Variants in AKIRIN1 observed in about 807,000 individuals in gnomAD.
AKIRIN1 encodes akirin-1.
Under a neutral mutation model 25.9 loss-of-function variants are expected in AKIRIN1, and 4 were observed. That is an observed-to-expected ratio of 0.15 (90% CI 0.08 to 0.35). The LOEUF (loss-of-function observed/expected upper bound fraction) is 0.35, where lower values mean the gene tolerates loss of function less well. Among genes scored for constraint, AKIRIN1 ranks in the 10% least tolerant of loss-of-function variants. The probability of loss-of-function intolerance (pLI) is 1.00; values close to 1 mark genes in which losing one functional copy is unlikely to be tolerated. For synonymous variants in AKIRIN1, 125 were observed against 105.1 expected (o/e 1.19, Z -1.16); for missense variants, 243 against 266.1 (o/e 0.91, Z 0.61).
intron 1 of AKIRIN1, among the ~76,000 whole-genome samples, chr1:38,994,037 T>G (rs1643928630): frequency 6.7e-6 from 1 of 149,400 alleles, no homozygotes; most frequent in South Asian, 2.1e-4. Flanking sequence ...GCCATTGCAC[T>G]CCATCCTGGG....
intron 1 of AKIRIN1, among the ~76,000 whole-genome samples, chr1:38,992,874 A>G (rs899090467): frequency 3.3e-5 from 5 of 152,122 alleles, no homozygotes; most frequent in African/African-American, 1.2e-4. Context: ...TAGCTGACTA[A>G]CCTGCCCATA....
intron 2 of AKIRIN1, among the ~76,000 whole-genome samples, chr1:39,000,236 G>T (rs1643979126): frequency 6.6e-6 from 1 of 151,908 alleles, no homozygotes; most frequent in Non-Finnish European, 1.5e-5. Context: ...TTGTTCACTT[G>T]CCAGCTCCAG....
At chr1:38,993,269 C>T (rs114315391) in intron 1 of AKIRIN1, among the ~76,000 whole-genome samples, 1,796 of 152,204 alleles carry the variant, frequency 0.012, 29 homozygotes, top group African/African-American at 0.041. Context: ...GATTTTTGGG[C>T]TGGGCGAGGT....
chr1:38,994,353 A>C (rs1643931086), intron 1 of AKIRIN1, among the ~76,000 whole-genome samples: 1 of 152,182 alleles, frequency 6.6e-6, no homozygotes, highest in African/African-American at 2.4e-5. Context: ...TTTATTGCTT[A>C]AATCTTTATT....
intron 2 of AKIRIN1, among the ~76,000 whole-genome samples, chr1:39,000,387 C>T (rs1216765917): frequency 2.1e-5 from 3 of 146,082 alleles, no homozygotes; most frequent in African/African-American, 5.0e-5. Context: ...CTTGTTGCCC[C>T]GTTTGGAGTG....
chr1:39,003,126 A>G (rs1644007182), intron 3 of AKIRIN1, among the ~76,000 whole-genome samples: 1 of 152,212 alleles, frequency 6.6e-6, no homozygotes, highest in African/African-American at 2.4e-5. Context: ...ATATACCATC[A>G]GTGACCCATT....
chr1:38,996,654 T>C (rs1257385541), intron 1 of AKIRIN1, among the ~76,000 whole-genome samples: 1 of 152,110 alleles, frequency 6.6e-6, no homozygotes, highest in Non-Finnish European at 1.5e-5. Flanking sequence ...CTCAGCTTCC[T>C]GAGTAGCTGG....
intron 2 of AKIRIN1, among the ~76,000 whole-genome samples, chr1:38,998,657 A>G (rs909083661): frequency 1.3e-5 from 2 of 152,108 alleles, no homozygotes; most frequent in Non-Finnish European, 2.9e-5. Context: ...TAATCCTAGC[A>G]CTTTGGGAGG....
In AKIRIN1 at chr1:39,001,213, A is replaced by G. The variant is rs559817938; in HGVS notation, c.496+107A>G. On this transcript the variant is annotated intron_variant, in intron 3 of 4. Coordinates refer to ENST00000432648, the MANE Select transcript of AKIRIN1 (RefSeq NM_024595.3). ...AGTAGGACCTCATGCAAGGGAGTTT[A>G]TTGAGTTGCGGGTATGGAAGTTACT... 9.2e-6 allele frequency: 12 copies of G among 1,298,616 alleles called. No individual in the cohort carries two copies. The East Asian group carries it at 3.1e-4, about 33-fold the overall frequency. The allele number at this position is 1,298,616 out of a possible 1,614,324, so 80.4% of individuals were successfully genotyped here.
At chr1:39,003,139 A>G (rs1644007328) in intron 3 of AKIRIN1, among the ~76,000 whole-genome samples, 1 of 152,180 alleles carries the variant, frequency 6.6e-6, no homozygotes, top group Non-Finnish European at 1.5e-5. Flanking sequence ...GACCCATTCT[A>G]GAAGCCAAGG....
intron 2 of AKIRIN1, among the ~76,000 whole-genome samples, 180 bp from the exon 3 acceptor site, chr1:39,000,792 G>A (rs1274889956): frequency 6.6e-6 from 1 of 151,920 alleles, no homozygotes; most frequent in Non-Finnish European, 1.5e-5. Context: ...GAGTAGCTGG[G>A]ATAATGGGCA....
Position 38,991,347 on chromosome 1 carries a change from C to G in AKIRIN1, c.-34C>G, listed in dbSNP as rs1487659050. 1.3e-5 allele frequency: 18 copies of G among 1,333,614 alleles called. No homozygotes were observed. Among genetic ancestry groups the G allele is most frequent in the East Asian group, 9.4e-5 (3 of 32,050 alleles). 82.6% of individuals were successfully genotyped at this position (1,333,614 alleles called of 1,614,324 possible). ...GAGCCTCTTGGGCCGCACTTACCGC[C>G]GCGTCCGCTCCCGGTCCCTGGCCCC... is the stretch of plus-strand genomic sequence containing the variant. On this transcript the variant is annotated 5_prime_UTR_variant, in exon 1 of 5. Coordinates refer to ENST00000432648, the MANE Select transcript of AKIRIN1 (RefSeq NM_024595.3).
chr1:38,994,765 C>T lies in AKIRIN1; in HGVS notation c.220+3165C>T, dbSNP rs182279332. ...AGTGCAGTAGCATGATCTCGGCTCA[C>T]TGCAACTTCCACCTCCCAGACTCAA... On this transcript the variant is annotated intron_variant, in intron 1 of 4. Transcript: ENST00000432648. Among the ~76,000 whole-genome samples the T allele has an allele frequency of 7.8e-3, 1,097 of 141,146 alleles. 11 individuals are homozygous for T. Among genetic ancestry groups the T allele is most frequent in the Middle Eastern group, 0.053 (13 of 244 alleles). The allele number at this position is 141,146 out of a possible 152,430, so 92.6% of individuals were successfully genotyped here.
chr1:39,002,907 G>A (rs927265467), intron 3 of AKIRIN1, among the ~76,000 whole-genome samples: 1 of 152,094 alleles, frequency 6.6e-6, no homozygotes, highest in Non-Finnish European at 1.5e-5. Flanking sequence ...GCAGTTAGAT[G>A]GTATAGATTT....
rs564050687 is a variant in AKIRIN1, at chr1:39,004,385, G to A, written c.*330G>A. On this transcript the variant is annotated 3_prime_UTR_variant, in exon 5 of 5. Coordinates refer to ENST00000432648, the MANE Select transcript of AKIRIN1 (RefSeq NM_024595.3). Reference sequence around the variant, plus strand: ...CCCCAAGCACAGTTCTGTAAGAAGTGCGTGTGAGAGTGTGTGTATATGTGT... The same window carrying A: ...CCCCAAGCACAGTTCTGTAAGAAGTACGTGTGAGAGTGTGTGTATATGTGT... 49 of 491,684 alleles carry A rather than the reference G, an allele frequency of 1.0e-4. No individual in the cohort carries two copies. Among genetic ancestry groups the A allele is most frequent in the African/African-American group, 7.8e-4 (40 of 51,412 alleles). 30.5% of individuals were successfully genotyped at this position (491,684 alleles called of 1,614,324 possible).
chr1:39,003,674 T>A (rs1236082612), intron 4 of AKIRIN1, among the ~76,000 whole-genome samples: 1 of 152,224 alleles, frequency 6.6e-6, no homozygotes, highest in Non-Finnish European at 1.5e-5. Flanking sequence ...ATACAGCTAG[T>A]GGTTCAGCTA....
At position 38,994,844 on chromosome 1, in the gene AKIRIN1, C is replaced by T. The variant is rs146237515; in HGVS notation, c.220+3244C>T. 2.5e-3 allele frequency among the ~76,000 whole-genome samples: 378 copies of T among 152,120 alleles called. 3 individuals carry two copies. Among genetic ancestry groups the T allele is most frequent in the African/African-American group, 8.7e-3 (363 of 41,512 alleles). ...CGCTGGGATTACAGGCGCATGCCAC[C>T]ATTCTCAGCTAATTTTTGTATTTTT... On this transcript the variant is annotated intron_variant, in intron 1 of 4. Coordinates refer to ENST00000432648, the MANE Select transcript of AKIRIN1 (RefSeq NM_024595.3).
chr1:39,004,262 A>G lies in AKIRIN1; in HGVS notation c.*207A>G, dbSNP rs1644016527. 1 of 704,334 alleles carries G rather than the reference A, an allele frequency of 1.4e-6. No homozygotes were observed. The highest frequency in any genetic ancestry group is 2.0e-5 in the Admixed American group (1 of 49,628). The allele number at this position is 704,334 out of a possible 1,614,324, so 43.6% of individuals were successfully genotyped here. A position where few individuals can be genotyped will look rare whatever the true frequency, so the allele number is the denominator to read the frequency against. ...ATCTTTCTTTTCTGCTCATCCAATA[A>G]ACAGCTGTGCCCTACTGTGATAGAT... On this transcript the variant is annotated 3_prime_UTR_variant, in exon 5 of 5. Transcript: ENST00000432648.
chr1:38,992,545 A>G (rs1643914376), intron 1 of AKIRIN1, among the ~76,000 whole-genome samples: 1 of 152,152 alleles, frequency 6.6e-6, no homozygotes, highest in African/African-American at 2.4e-5. Flanking sequence ...TTTCAGTAGC[A>G]GTGCCTTCAG....
Sources: allele counts gnomAD v4.1 joint callset (sites outside exome capture counted in the v4.1 genomes callset), GRCh38; gene constraint gnomAD v4.1.1; transcripts MANE v1.5; gene names NCBI Gene and HGNC (gene_info 2026-07-23, HGNC 2026-07-21).